Variants in SAXO1 observed in about 807,000 individuals in gnomAD.
SAXO1 encodes 4930500O09Rik.
A neutral mutation model predicts 17.5 loss-of-function variants in SAXO1; 21 were observed. That is an observed-to-expected ratio of 1.20 (90% CI 0.85 to 1.72). SAXO1 has a LOEUF of 1.72. Among genes scored for constraint, SAXO1 ranks in the 40% most tolerant of loss-of-function variants. The pLI is 0.00. For synonymous variants in SAXO1, 274 were observed against 216.5 expected, an observed-to-expected ratio of 1.27 and a Z score of -2.33; for missense variants, 843 against 596.0, an observed-to-expected ratio of 1.41 and a Z score of -4.32.
At position 18,928,688 on chromosome 9, in the gene SAXO1, C is replaced by A. The variant is rs763234709; in HGVS notation, c.789G>T (p.Gly263=). The change falls in exon 4 of 4, where the codon GGG becomes GGT. Residue 263 remains glycine, a synonymous_variant. Transcript: ENST00000380534. The stretch of plus-strand genomic sequence containing the variant: ...TGGTGTTACAGAAAGGCATGTCTAG[C>A]CCAGGAGGCCTGGCTAGAGGTTTCA... ...KSLKPLARPP[G]LDMPFCNTTE... 2.5e-6 allele frequency: 4 copies of A among 1,613,966 alleles called. No individual in the cohort carries two copies. In the African/African-American group the frequency reaches 5.3e-5, roughly 22 times the overall value.
Position 18,928,552 on chromosome 9 carries a change from CCTGCA to C in SAXO1, c.920_924del (p.Val307GlyfsTer7). On this transcript the variant is annotated frameshift_variant, in exon 4 of 4. Coordinates refer to ENST00000380534, the MANE Select transcript of SAXO1 (RefSeq NM_153707.4). LOFTEE classifies it low-confidence loss of function (END_TRUNC). ...GCACCCTTAGGGCATGTGTAATGGG[CCTGCA>C]CTGTTGTCAGAAGATCCATCCTGTC... is the stretch of plus-strand genomic sequence containing the variant. The C allele has an allele frequency of 6.2e-7, 1 of 1,614,022 alleles. No individual in the cohort carries two copies. The highest frequency in any genetic ancestry group is 8.5e-7 in the Non-Finnish European group (1 of 1,179,982).
upstream of SAXO1, among the ~76,000 whole-genome samples, chr9:19,037,386 C>T (rs1252091964): frequency 6.6e-6 from 1 of 152,124 alleles, no homozygotes; most frequent in Non-Finnish European, 1.5e-5. Flanking sequence ...TGTCCCCACC[C>T]ATATCTCATC....
chr9:18,954,115 G>C (rs1253875533), intron 1 of SAXO1, among the ~76,000 whole-genome samples: 1 of 152,152 alleles, frequency 6.6e-6, no homozygotes, highest in African/African-American at 2.4e-5. Context: ...AAGGAAAAGG[G>C]AGAGAGGAGG....
At chr9:18,936,491 G>A (rs1022180811) in intron 3 of SAXO1, among the ~76,000 whole-genome samples, 16 of 152,150 alleles carry the variant, frequency 1.1e-4, no homozygotes, top group African/African-American at 3.4e-4. Flanking sequence ...TGGATGAAGT[G>A]TTAACAAAAC....
intron 1 of SAXO1, among the ~76,000 whole-genome samples, chr9:19,044,954 G>A (rs902130985): frequency 2.0e-5 from 3 of 152,000 alleles, no homozygotes; most frequent in Admixed American, 6.6e-5. Flanking sequence ...TTCAAGAATC[G>A]GTAGCATCAG....
intron 3 of SAXO1, among the ~76,000 whole-genome samples, chr9:18,934,002 CA>C (rs748917047): frequency 2.6e-5 from 4 of 152,246 alleles, no homozygotes; most frequent in East Asian, 3.9e-4. Flanking sequence ...GCCGAGATTG[CA>C]GCCACTGCAC....
rs966409427 is a variant in SAXO1 at position 18,968,555 on chromosome 9, C to T, written c.39-17618G>A. ...CTAAAACTCCTTGGATTTTTTGATG[C>T]GATAGATAGTGGCATCATGGTTAAG... On this transcript the variant is annotated intron_variant, in intron 1 of 3. Coordinates refer to ENST00000380534, the MANE Select transcript of SAXO1 (RefSeq NM_153707.4). Among the ~76,000 whole-genome samples, 7 of 150,576 alleles carry T rather than the reference C, an allele frequency of 4.6e-5. No individual in the cohort carries two copies. In the South Asian group the frequency reaches 6.3e-4, roughly 14 times the overall value.
chr9:19,035,123 T>C, upstream of SAXO1, among the ~76,000 whole-genome samples: 1 of 152,204 alleles, frequency 6.6e-6, no homozygotes, highest in East Asian at 1.9e-4. Flanking sequence ...CATCTTTTGT[T>C]ACATCCAGCC....
chr9:18,979,079 C>A (rs1217458695), intron 1 of SAXO1, among the ~76,000 whole-genome samples: 1 of 152,150 alleles, frequency 6.6e-6, no homozygotes, highest in Non-Finnish European at 1.5e-5. Context: ...TATGTTGAAT[C>A]TATTCTAGTA....
chr9:19,005,811 A>G (rs1004744862), intron 1 of SAXO1, among the ~76,000 whole-genome samples: 4 of 152,350 alleles, frequency 2.6e-5, no homozygotes, highest in Admixed American at 1.3e-4. Flanking sequence ...AAACAACGCT[A>G]TCAAGACAGT....
At chr9:18,935,824 G>GCACTCTAT (rs1259749046) in intron 3 of SAXO1, among the ~76,000 whole-genome samples, 1 of 152,110 alleles carries the variant, frequency 6.6e-6, no homozygotes, top group African/African-American at 2.4e-5. Context: ...TCCTGGGGAT[G>GCACTCTAT]CACTCTATTC....
intron 1 of SAXO1, among the ~76,000 whole-genome samples, chr9:19,023,627 G>A (rs1801261069): frequency 6.6e-6 from 1 of 152,126 alleles, no homozygotes; most frequent in South Asian, 2.1e-4. Flanking sequence ...TTAATCATGT[G>A]TTAAATCAAG....
intron 1 of SAXO1, among the ~76,000 whole-genome samples, chr9:19,025,187 TTTTC>T (rs1383195005): frequency 3.3e-5 from 5 of 152,136 alleles, no homozygotes; most frequent in African/African-American, 1.2e-4. Flanking sequence ...ACGTGAAAGT[TTTTC>T]TTTTTTTTCT....
chr9:18,932,072 A>T (rs2131672328), intron 3 of SAXO1, among the ~76,000 whole-genome samples: 1 of 152,316 alleles, frequency 6.6e-6, no homozygotes, highest in East Asian at 1.9e-4. Flanking sequence ...ATAAAGTCCT[A>T]TTTATATCTT....
At chr9:19,045,537 T>G (rs1223552716) in intron 1 of SAXO1, among the ~76,000 whole-genome samples, 3 of 152,164 alleles carry the variant, frequency 2.0e-5, no homozygotes, top group African/African-American at 7.2e-5. Flanking sequence ...TAAGCTGGCC[T>G]ATAAACTGAA....
At position 18,928,064 on chromosome 9, in the gene SAXO1, T is replaced by C; in HGVS notation, c.1413A>G (p.Glu471=). ...DSENPNQREL[E]VLA ...CTATTTTTCAAAATCAGGCTAACAC[T>C]TCCAACTCCCTCTGGTTGGGGTTTT... The change falls in exon 4 of 4, where the codon GAA becomes GAG. Residue 471 remains glutamate, a synonymous_variant. Transcript: ENST00000380534. The C allele has an allele frequency of 6.2e-7, 1 of 1,601,448 alleles. No homozygotes were observed. The highest frequency in any genetic ancestry group is 8.5e-7 in the Non-Finnish European group (1 of 1,170,910).
intron 1 of SAXO1, among the ~76,000 whole-genome samples, chr9:19,039,998 G>C (rs540861091): frequency 9.2e-5 from 14 of 152,198 alleles, no homozygotes; most frequent in African/African-American, 3.4e-4. Context: ...CAAAGTGCTG[G>C]GATTACAGGT....
At chr9:19,030,558 T>A (rs1378227377) in intron 1 of SAXO1, among the ~76,000 whole-genome samples, 1 of 151,908 alleles carries the variant, frequency 6.6e-6, no homozygotes, top group African/African-American at 2.4e-5. Context: ...ATGCAAAAAT[T>A]AGCCCAGCAT....
At chr9:19,027,505 G>A (rs750222712) in intron 1 of SAXO1, 7 of 863,660 alleles carry the variant, frequency 8.1e-6, no homozygotes, top group African/African-American at 1.6e-5. Context: ...ACATCCAAAA[G>A]GGGTGCTGGC....
Sources: allele counts gnomAD v4.1 joint callset (sites outside exome capture counted in the v4.1 genomes callset), GRCh38; gene constraint gnomAD v4.1.1; transcripts MANE v1.5; gene names NCBI Gene and HGNC (gene_info 2026-07-23, HGNC 2026-07-21).